Variants in SPATA22 observed in about 807,000 individuals in gnomAD.
The protein encoded by SPATA22 is spermatogenesis-associated protein 22.
SPATA22 carries 29 observed loss-of-function variants against 47.8 expected under a neutral mutation model. That is an observed-to-expected ratio of 0.61 (90% CI 0.45 to 0.83). SPATA22 has a LOEUF of 0.83. Among genes scored for constraint, SPATA22 ranks in the 40% least tolerant of loss-of-function variants. SPATA22 has a pLI of 0.00. For missense variants in SPATA22, 410 were observed against 421.7 expected (o/e 0.97, Z 0.24); for synonymous variants, 133 against 140.9 (o/e 0.94, Z 0.40).
At chr17:3,463,327 A>G (rs1031616072) in intron 3 of SPATA22, among the ~76,000 whole-genome samples, 1 of 152,238 alleles carries the variant, frequency 6.6e-6, no homozygotes, top group Non-Finnish European at 1.5e-5. Flanking sequence ...TGGAGAGTAC[A>G]GCTTGCTACA....
chr17:3,453,020 T>G (rs1010135312), intron 5 of SPATA22, among the ~76,000 whole-genome samples: 2 of 152,186 alleles, frequency 1.3e-5, no homozygotes, highest in African/African-American at 4.8e-5. Flanking sequence ...ACTTCCAAAT[T>G]CATTTTATGA....
chr17:3,469,241 T>A (rs1371082591), intron 2 of SPATA22, 42 bp downstream of exon 2: 2 of 887,332 alleles, frequency 2.3e-6, no homozygotes, highest in South Asian at 3.0e-5. Flanking sequence ...ACAAGCTTTA[T>A]ATGCTATACA....
rs1010777343 is a variant in SPATA22, at chr17:3,471,783, C to T, written c.-175G>A. ...TCGTCCAGGCGGCCCCGTCAGCAAC[C>T]GCCGCCCTTCCCGCCCGCGAAGAAA... On this transcript the variant is annotated 5_prime_UTR_variant, in exon 1 of 9. Coordinates refer to ENST00000572969, the MANE Select transcript of SPATA22 (RefSeq NM_001170698.2). 49 of 985,470 alleles carry T rather than the reference C, an allele frequency of 5.0e-5. No individual in the cohort carries two copies. Among genetic ancestry groups the T allele is most frequent in the Admixed American group, 6.1e-5 (1 of 16,280 alleles). The allele number at this position is 985,470 out of a possible 1,614,324, so 61.0% of individuals were successfully genotyped here. A position where few individuals can be genotyped will look rare whatever the true frequency, so the allele number is the denominator to read the frequency against.
chr17:3,464,862 G>A (rs1210082968), intron 3 of SPATA22, among the ~76,000 whole-genome samples: 14 of 118,928 alleles, frequency 1.2e-4, no homozygotes, highest in South Asian at 1.0e-3. Context: ...GTCTCCGCCC[G>A]GCAGCCACCC....
chr17:3,467,885 TC>T (rs1294887742), intron 2 of SPATA22, among the ~76,000 whole-genome samples: 1 of 152,130 alleles, frequency 6.6e-6, no homozygotes, highest in Non-Finnish European at 1.5e-5. Context: ...TGTTACCATA[TC>T]GACTGCAGGG....
intron 7 of SPATA22, among the ~76,000 whole-genome samples, chr17:3,444,232 T>G (rs979037742): frequency 6.6e-6 from 1 of 152,030 alleles, no homozygotes; most frequent in Non-Finnish European, 1.5e-5. Context: ...AGACCCAGAT[T>G]ATCCTTCAGG....
intron 7 of SPATA22, 44 bp from the exon 8 acceptor site, chr17:3,443,315 T>C: frequency 2.2e-6 from 3 of 1,390,966 alleles, no homozygotes; most frequent in Non-Finnish European, 3.0e-6. Flanking sequence ...GTTGGTAAAC[T>C]GCAAATAAAA....
At chr17:3,471,182 G>GAGGGA (rs1199021292) in intron 1 of SPATA22, among the ~76,000 whole-genome samples, 1 of 152,000 alleles carries the variant, frequency 6.6e-6, no homozygotes, top group Non-Finnish European at 1.5e-5. Flanking sequence ...GGAAGGGAGG[G>GAGGGA]AGGGAAGGGA....
intron 1 of SPATA22, among the ~76,000 whole-genome samples, chr17:3,493,258 A>G (rs1158818713): frequency 6.6e-6 from 1 of 152,158 alleles, no homozygotes; most frequent in African/African-American, 2.4e-5. Context: ...CCAAGTGTCT[A>G]ATGTACTTAG....
chr17:3,505,823 T>G (rs943591198), intron 1 of SPATA22, among the ~76,000 whole-genome samples: 1 of 151,218 alleles, frequency 6.6e-6, no homozygotes, highest in East Asian at 1.9e-4. Context: ...AGTGGCATGA[T>G]CTCCGCTCAC....
chr17:3,513,752 G>A (rs1338342815), exon 1 of SPATA22: 5 of 542,094 alleles, frequency 9.2e-6, no homozygotes, highest in Non-Finnish European at 1.6e-5. Flanking sequence ...ATTGACAACT[G>A]CCCCTCAGTT....
At position 3,485,152 on chromosome 17, in the gene SPATA22, T is replaced by C. The variant is rs1289624394; in HGVS notation, c.-73-15754A>G. 6.6e-6 allele frequency among the ~76,000 whole-genome samples: 1 copy of C among 152,082 alleles called. No homozygotes were observed. The highest frequency in any genetic ancestry group is 1.5e-5 in the Non-Finnish European group (1 of 67,986). On this transcript the variant is annotated intron_variant, in intron 1 of 8. Coordinates refer to the SPATA22 transcript ENST00000541913. This position sits in a 1 kb window ranked among gnomAD's most constrained non-coding sequence, Gnocchi z 4.4. ...TCCCATCTCAGCCTCCCAAGTAGCT[T>C]GAACTACAGGCACGTGCCACCACAT...
intron 3 of SPATA22, among the ~76,000 whole-genome samples, chr17:3,465,226 T>G (rs2073269315): frequency 9.4e-6 from 1 of 106,578 alleles, no homozygotes; most frequent in Non-Finnish European, 2.2e-5. Flanking sequence ...CGGCCGCCCC[T>G]ACTGGGAAGT....
chr17:3,442,376 A>G (rs1017824568), intron 8 of SPATA22, among the ~76,000 whole-genome samples: 1 of 152,030 alleles, frequency 6.6e-6, no homozygotes, highest in Admixed American at 6.6e-5. Flanking sequence ...CTTAAGTCAT[A>G]AAACTAGAAA....
intron 1 of SPATA22, among the ~76,000 whole-genome samples, chr17:3,491,745 C>CA (rs780884527): frequency 6.1e-5 from 9 of 147,534 alleles, no homozygotes; most frequent in African/African-American, 2.3e-4. Flanking sequence ...GAGACTGTCT[C>CA]AAAAAAAAAA....
Position 3,485,906 on chromosome 17 carries a change from T to C in SPATA22, c.-73-16508A>G, listed in dbSNP as rs1567613213. On this transcript the variant is annotated intron_variant, in intron 1 of 8. Transcript: ENST00000541913. The surrounding 1 kb of genome is among the most constrained non-coding windows in gnomAD (Gnocchi z 4.4). ...GAGAGAGCCAGATGGCAGCTATCCA[T>C]GCCAGTGGTTGCATTCTAGGAGGGA... Among the ~76,000 whole-genome samples, 1 of 151,196 alleles carries C rather than the reference T, an allele frequency of 6.6e-6. No homozygotes were observed. The highest frequency in any genetic ancestry group is 1.5e-5 in the Non-Finnish European group (1 of 67,920).
At chr17:3,454,425 A>T (rs2072937026) in intron 5 of SPATA22, among the ~76,000 whole-genome samples, 1 of 151,958 alleles carries the variant, frequency 6.6e-6, no homozygotes, top group South Asian at 2.1e-4. Context: ...CATTAGGTAT[A>T]TCTCCTAATG....
intron 5 of SPATA22, among the ~76,000 whole-genome samples, chr17:3,461,762 T>C (rs532624243): frequency 6.6e-6 from 1 of 152,362 alleles, no homozygotes; most frequent in Non-Finnish European, 1.5e-5. Context: ...ATGGTTGTTG[T>C]AAGGATTATT....
chr17:3,483,902 C>T (rs546351177), intron 1 of SPATA22, among the ~76,000 whole-genome samples: 1 of 152,288 alleles, frequency 6.6e-6, no homozygotes, highest in South Asian at 2.1e-4. Context: ...AGGTGATGCA[C>T]CTGCCTCAGC....
Sources: gnomAD v4.1 joint callset for allele counts (sites outside exome capture counted in the v4.1 genomes callset) on GRCh38, gnomAD v4.1.1 for gene constraint, Gnocchi (gnomAD v3.1) non-coding constraint, MANE v1.5 for transcripts, NCBI Gene and HGNC (gene_info 2026-07-23, HGNC 2026-07-21) for gene names.